Variants in PRKN observed in about 807,000 individuals in gnomAD.
PRKN encodes the protein E3 ubiquitin-protein ligase parkin.
Under a neutral mutation model 59.5 loss-of-function variants are expected in PRKN, and 56 were observed. The observed-to-expected ratio is 0.94, with a 90% confidence interval of 0.76 to 1.18. PRKN has a LOEUF of 1.18. PRKN is among the 50% of genes most tolerant of loss of function. The pLI, the probability that PRKN is intolerant of heterozygous loss-of-function variation, is 0.00. For missense variants in PRKN, 657 were observed against 596.4 expected, an observed-to-expected ratio of 1.10 and a Z score of -1.06; for synonymous variants, 250 against 222.1, an observed-to-expected ratio of 1.13 and a Z score of -1.12.
chr6:162,346,701 AATTTTTTAAAAT>A (rs1222015189), intron 2 of PRKN, among the ~76,000 whole-genome samples: 1 of 152,112 alleles, frequency 6.6e-6, no homozygotes, highest in Non-Finnish European at 1.5e-5. Context: ...CTGCATGAGA[AATTTTTTAAAAT>A]ACTTTTTCAG....
At chr6:161,660,529 G>A (rs1784505259) in intron 7 of PRKN, among the ~76,000 whole-genome samples, 1 of 152,208 alleles carries the variant, frequency 6.6e-6, no homozygotes, top group African/African-American at 2.4e-5. Flanking sequence ...AAAATGGTGA[G>A]CTGGCAAGAG....
chr6:161,733,306 C>T (rs1449110647), intron 7 of PRKN, among the ~76,000 whole-genome samples: 1 of 152,114 alleles, frequency 6.6e-6, no homozygotes, highest in Non-Finnish European at 1.5e-5. Flanking sequence ...GTAAGATAAT[C>T]TCATGAAACC....
chr6:162,436,243 A>G (rs1175690806), intron 2 of PRKN, among the ~76,000 whole-genome samples: 1 of 151,892 alleles, frequency 6.6e-6, no homozygotes, highest in African/African-American at 2.4e-5. Context: ...AAATTTCAAT[A>G]AATTTAGTTC....
intron 6 of PRKN, among the ~76,000 whole-genome samples, chr6:161,835,480 G>A (rs980185661): frequency 3.3e-5 from 5 of 152,186 alleles, no homozygotes; most frequent in South Asian, 2.1e-4. Context: ...AGCCTGCAGC[G>A]GAGCTAAACC....
chr6:162,287,930 A>G (rs1781267469), intron 2 of PRKN, among the ~76,000 whole-genome samples: 1 of 152,172 alleles, frequency 6.6e-6, no homozygotes, highest in African/African-American at 2.4e-5. Flanking sequence ...TGGAACCTGG[A>G]TTCTACATTT....
chr6:162,150,474 C>T (rs940399865), intron 4 of PRKN, among the ~76,000 whole-genome samples: 1 of 152,162 alleles, frequency 6.6e-6, no homozygotes, highest in Non-Finnish European at 1.5e-5. Flanking sequence ...GAGCACAGAG[C>T]CCCTGGCAGG....
chr6:161,619,222 T>C (rs1341236838), intron 7 of PRKN, among the ~76,000 whole-genome samples: 3 of 143,132 alleles, frequency 2.1e-5, no homozygotes, highest in Non-Finnish European at 1.5e-5. Flanking sequence ...AGCAAGCCTT[T>C]ACAAAAACTG....
At chr6:161,995,565 A>G (rs1781810362) in intron 5 of PRKN, among the ~76,000 whole-genome samples, 1 of 152,154 alleles carries the variant, frequency 6.6e-6, no homozygotes, top group Admixed American at 6.6e-5. Flanking sequence ...AAAAGCAAAA[A>G]TACAAATAAA....
At chr6:161,496,536 T>C (rs1777754908) in intron 9 of PRKN, among the ~76,000 whole-genome samples, 1 of 152,202 alleles carries the variant, frequency 6.6e-6, no homozygotes, top group South Asian at 2.1e-4. Context: ...CAAGAGAGCA[T>C]GTGCAGGGGA....
intron 2 of PRKN, among the ~76,000 whole-genome samples, chr6:162,426,632 G>C (rs1193425851): frequency 1.3e-5 from 2 of 152,056 alleles, no homozygotes; most frequent in African/African-American, 4.8e-5. Flanking sequence ...TTTTTTTGTA[G>C]AGACGGGTTT....
At chr6:162,697,307 T>C (rs951644239) in intron 1 of PRKN, among the ~76,000 whole-genome samples, 15 of 152,106 alleles carry the variant, frequency 9.9e-5, no homozygotes, top group African/African-American at 3.1e-4. Flanking sequence ...AATAAAAAGA[T>C]AGCAATAAAT....
chr6:161,846,493 T>C (rs576883764), intron 6 of PRKN, among the ~76,000 whole-genome samples: 1 of 152,300 alleles, frequency 6.6e-6, no homozygotes, highest in South Asian at 2.1e-4. Flanking sequence ...GCAGTGGGCA[T>C]TTCTTACCCG....
intron 2 of PRKN, among the ~76,000 whole-genome samples, chr6:162,355,143 GAAT>G (rs151038517): frequency 0.033 from 5,033 of 151,436 alleles, 266 homozygotes; most frequent in African/African-American, 0.12. Flanking sequence ...TAGAATTAGA[GAAT>G]AATATATAGT....
At chr6:161,608,681 T>A (rs1329215734) in intron 7 of PRKN, among the ~76,000 whole-genome samples, 1 of 151,860 alleles carries the variant, frequency 6.6e-6, no homozygotes, top group African/African-American at 2.4e-5. Flanking sequence ...TACAGGTGTG[T>A]GCCACCACGC....
At chr6:161,962,914 G>A (rs1270082625) in intron 6 of PRKN, among the ~76,000 whole-genome samples, 1 of 151,922 alleles carries the variant, frequency 6.6e-6, no homozygotes, top group African/African-American at 2.4e-5. Flanking sequence ...GGAGGCTGAG[G>A]CCGGTGGATC....
At chr6:161,625,039 G>C (rs1783034524) in intron 7 of PRKN, among the ~76,000 whole-genome samples, 1 of 152,184 alleles carries the variant, frequency 6.6e-6, no homozygotes, top group African/African-American at 2.4e-5. Context: ...ATTTAGAAAT[G>C]TCTTTTTCCA....
At chr6:161,698,523 TA>T (rs1182130009) in intron 7 of PRKN, among the ~76,000 whole-genome samples, 2 of 152,156 alleles carry the variant, frequency 1.3e-5, no homozygotes, top group African/African-American at 4.8e-5. Flanking sequence ...ACTGTTTTTT[TA>T]AAAGGACAAA....
chr6:162,365,048 G>C (rs1225965959), intron 2 of PRKN, among the ~76,000 whole-genome samples: 1 of 129,232 alleles, frequency 7.7e-6, no homozygotes, highest in African/African-American at 3.0e-5. Flanking sequence ...CAATTTCCCT[G>C]TTTTCTAAAT....
At chr6:162,301,220 G>C (rs770538391) in intron 2 of PRKN, among the ~76,000 whole-genome samples, 5 of 152,080 alleles carry the variant, frequency 3.3e-5, no homozygotes, top group Non-Finnish European at 2.9e-5. Context: ...AGCTAAAGAG[G>C]CTTGCCAAAG....
Sources: gnomAD v4.1 joint callset for allele counts (sites outside exome capture counted in the v4.1 genomes callset) on GRCh38, gnomAD v4.1.1 for gene constraint, MANE v1.5 for transcripts, NCBI Gene and HGNC (gene_info 2026-07-23, HGNC 2026-07-21) for gene names.